The following HIVEP1 variants were observed in gnomAD, a reference collection of about 807,000 sequenced individuals.
The protein encoded by HIVEP1 is HIVEP zinc finger 1.
A neutral mutation model predicts 180.0 loss-of-function variants in HIVEP1; 36 were observed. That is an observed-to-expected ratio of 0.20 (90% CI 0.15 to 0.26). The LOEUF (loss-of-function observed/expected upper bound fraction) is 0.26. Ranked by LOEUF, HIVEP1 falls within the 10% of genes least tolerant of loss-of-function variation. The pLI is 1.00. For synonymous variants in HIVEP1, 1,239 were observed against 1,239.0 expected (o/e 1.00, Z 0.00); for missense variants, 3,143 against 3,268.7 (o/e 0.96, Z 0.94).
At chr6:12,038,741 C>CA (rs1769472239) in intron 2 of HIVEP1, 13 of 152,562 alleles carry the variant, frequency 8.5e-5, no homozygotes, top group Non-Finnish European at 1.6e-4. Context: ...CCACCACCAC[C>CA]ACCAACAACA....
At chr6:12,197,911 T>C in the HIVEP1 span, among the ~76,000 whole-genome samples, 1,785 of 152,184 alleles carry the variant, frequency 0.012, 24 homozygotes, top group Non-Finnish European at 0.015. Context: ...ATGGAAAGAA[T>C]GTCATAGAAA....
At chr6:12,147,957 C>CCT (rs1759471330) in intron 7 of HIVEP1, among the ~76,000 whole-genome samples, 1 of 152,146 alleles carries the variant, frequency 6.6e-6, no homozygotes, top group African/African-American at 2.4e-5. Context: ...AAAGATGAGG[C>CCT]CTGTACTTGT....
rs760211750 is a variant in HIVEP1 at position 12,121,211 on chromosome 6, C to T, written c.1416C>T (p.Gly472=). 1 of 1,614,124 alleles carries T rather than the reference C, an allele frequency of 6.2e-7. No homozygotes were observed. The highest frequency in any genetic ancestry group is 8.5e-7 in the Non-Finnish European group (1 of 1,180,026). ...TTGTCTTGCAACCAGATGCTGGTGGCTTGTTCTTGTCCCACGAGTCCCCCA... is the reference window on the plus strand; with the variant it reads ...TTGTCTTGCAACCAGATGCTGGTGGTTTGTTCTTGTCCCACGAGTCCCCCA... The part of the protein sequence containing the change: ...LGLVLQPDAG[G]LFLSHESPKA... Residue 472 remains glycine, a synonymous_variant, in exon 4 of 9, where the codon GGC becomes GGT. Transcript: ENST00000379388. The surrounding 1 kb of genome is among the most constrained non-coding windows in gnomAD (Gnocchi z 5.3).
chr6:12,069,715 A>T (rs1459844259), intron 2 of HIVEP1, among the ~76,000 whole-genome samples: 4 of 151,792 alleles, frequency 2.6e-5, no homozygotes, highest in Admixed American at 2.0e-4. Flanking sequence ...TAAAACTTAA[A>T]GTATAATAAT....
At chr6:12,021,826 C>T (rs1227801110) in intron 2 of HIVEP1, among the ~76,000 whole-genome samples, 2 of 152,044 alleles carry the variant, frequency 1.3e-5, no homozygotes, top group African/African-American at 2.4e-5. Context: ...CTACCACCCC[C>T]GGCTAATTTT....
At chr6:12,188,180 T>C in the HIVEP1 span, among the ~76,000 whole-genome samples, 38 of 152,314 alleles carry the variant, frequency 2.5e-4, no homozygotes, top group African/African-American at 7.2e-4. Flanking sequence ...AAAGTGCATC[T>C]TTAAAAAATG....
At chr6:12,089,418 A>G (rs1190585274) in intron 3 of HIVEP1, among the ~76,000 whole-genome samples, 181 bp downstream of exon 3, 1 of 152,144 alleles carries the variant, frequency 6.6e-6, no homozygotes, top group Non-Finnish European at 1.5e-5. Flanking sequence ...TTAGCCACAT[A>G]GCACATTCTA....
chr6:12,060,860 A>G lies in HIVEP1; in HGVS notation c.41-28324A>G, dbSNP rs146825989. Reference sequence around the variant, plus strand: ...GCATTACTGTGACTTTAAGAAGGAAATTAAGTAGGGAGGGAAAATGGGGAT... The same window carrying G: ...GCATTACTGTGACTTTAAGAAGGAAGTTAAGTAGGGAGGGAAAATGGGGAT... On this transcript the variant is annotated intron_variant, in intron 2 of 8. Coordinates refer to ENST00000379388, the MANE Select transcript of HIVEP1 (RefSeq NM_002114.4). Among the ~76,000 whole-genome samples the G allele has an allele frequency of 6.6e-4, 101 of 152,296 alleles. 1 individual carries two copies. The highest frequency in any genetic ancestry group is 1.2e-3 in the Non-Finnish European group (79 of 68,014).
chr6:12,089,232 A>G lies in HIVEP1; in HGVS notation c.89A>G (p.Lys30Arg), dbSNP rs1284866451. Reference sequence around the variant, plus strand: ...GAACTTAATGGGGCAGAAGTTTCAAAAAAAGGTAAATTAAAATCAGCTTGA... The same window carrying G: ...GAACTTAATGGGGCAGAAGTTTCAAGAAAAGGTAAATTAAAATCAGCTTGA... ...QKELNGAEVS[K>R]KEILQAGVKG... The change falls in exon 3 of 9, where the codon AAA becomes AGA. Residue 30 changes from lysine (K) to arginine (R), a missense_variant. Transcript: ENST00000379388. 6.4e-7 allele frequency: 1 copy of G among 1,561,622 alleles called. No homozygotes were observed. The highest frequency in any genetic ancestry group is 1.4e-5 in the African/African-American group (1 of 73,682).
chr6:12,037,987 T>A (rs908242045), intron 2 of HIVEP1: 1 of 383,456 alleles, frequency 2.6e-6, no homozygotes, highest in Admixed American at 4.5e-5. Flanking sequence ...AGCACTGAGA[T>A]TACAGGCATG....
chr6:12,130,161 G>C (rs1295274424), intron 5 of HIVEP1, among the ~76,000 whole-genome samples: 1 of 152,186 alleles, frequency 6.6e-6, no homozygotes, highest in Non-Finnish European at 1.5e-5. Flanking sequence ...TTTTCACATT[G>C]ATTTACAGTA....
At chr6:12,156,412 A>G (rs1044101555) in intron 7 of HIVEP1, among the ~76,000 whole-genome samples, 11 of 152,074 alleles carry the variant, frequency 7.2e-5, no homozygotes, top group Non-Finnish European at 1.5e-4. Flanking sequence ...ATTTTTATAT[A>G]TATTGTAAAG....
chr6:12,161,893 A>T lies in HIVEP1; in HGVS notation c.6942A>T (p.Arg2314Ser), dbSNP rs1760431754. 1.9e-6 allele frequency: 3 copies of T among 1,613,298 alleles called. No individual in the cohort carries two copies. The South Asian group carries it at 3.3e-5, about 18-fold the overall frequency. The change falls in exon 8 of 9, where the codon AGA becomes AGT. Residue 2314 changes from arginine to serine, a missense_variant. By Grantham distance (110) the Arg-to-Ser change is moderately radical. Coordinates refer to ENST00000379388, the MANE Select transcript of HIVEP1 (RefSeq NM_002114.4). ...VDYPESEEIL[R>S]SSMAGKAVAI... ...ACCCTGAGTCAGAAGAAATTCTGAGAAGTTCTATGGCAGGAAAAGCTGTTG... is the reference window on the plus strand; with the variant it reads ...ACCCTGAGTCAGAAGAAATTCTGAGTAGTTCTATGGCAGGAAAAGCTGTTG...
At chr6:12,061,040 C>T (rs919197986) in intron 2 of HIVEP1, among the ~76,000 whole-genome samples, 3 of 152,054 alleles carry the variant, frequency 2.0e-5, no homozygotes, top group South Asian at 2.1e-4. Context: ...CTAGATGTGA[C>T]GTGAAGGGGC....
chr6:12,122,736 T>C lies in HIVEP1; in HGVS notation c.2941T>C (p.Tyr981His). The change falls in exon 4 of 9, where the codon TAC becomes CAC. Residue 981 changes from tyrosine (Y) to histidine (H), a missense_variant. Around this residue, in one of 12 missense-constraint regions of HIVEP1, gnomAD observed 204 missense variants for 243.7 expected, o/e 0.84. Coordinates refer to ENST00000379388, the MANE Select transcript of HIVEP1 (RefSeq NM_002114.4). ...LENFENHKKF[Y>H]CSELHGPKTK... ...AAATTTTGAAAATCATAAGAAATTTTACTGTTCTGAGTTACATGGACCAAA... is the reference window on the plus strand; with the variant it reads ...AAATTTTGAAAATCATAAGAAATTTCACTGTTCTGAGTTACATGGACCAAA... 1 of 1,613,750 alleles carries C rather than the reference T, an allele frequency of 6.2e-7. No individual in the cohort carries two copies. Among genetic ancestry groups the C allele is most frequent in the Non-Finnish European group, 8.5e-7 (1 of 1,179,906 alleles).
Position 12,161,812 on chromosome 6 carries a change from C to T in HIVEP1, c.6861C>T (p.Asp2287=). 1.2e-6 allele frequency: 2 copies of T among 1,614,162 alleles called. No individual in the cohort carries two copies. Among genetic ancestry groups the T allele is most frequent in the Non-Finnish European group, 1.7e-6 (2 of 1,180,022 alleles). ...AGCGTGCTGCGAGAGATGAAAACGA[C>T]ACAATTCCGTCTGTAGACACTTCCA... ...ARQRAARDEN[D]TIPSVDTSRS... is the part of the protein sequence containing the mutation. Residue 2287 remains aspartate, a synonymous_variant, in exon 8 of 9, where the codon GAC becomes GAT. Coordinates refer to ENST00000379388, the MANE Select transcript of HIVEP1 (RefSeq NM_002114.4).
intron 7 of HIVEP1, among the ~76,000 whole-genome samples, chr6:12,147,427 C>G (rs995413673): frequency 1.3e-5 from 2 of 152,158 alleles, no homozygotes. Flanking sequence ...ATATATCTGA[C>G]TTTTATCCTG....
chr6:12,153,208 T>G (rs1030028883), intron 7 of HIVEP1, among the ~76,000 whole-genome samples: 3 of 152,218 alleles, frequency 2.0e-5, no homozygotes, highest in African/African-American at 7.2e-5. Flanking sequence ...AACATTGAAT[T>G]CATGCATATT....
intron 2 of HIVEP1, among the ~76,000 whole-genome samples, chr6:12,022,030 A>G (rs1311147863): frequency 1.3e-5 from 2 of 152,228 alleles, no homozygotes; most frequent in African/African-American, 2.4e-5. Context: ...ATTTGTTTAC[A>G]TTTTTGAACC....
Sources: gnomAD v4.1 joint callset for allele counts (sites outside exome capture counted in the v4.1 genomes callset) on GRCh38, gnomAD v4.1.1 for gene constraint, gnomAD v4.1.1 regional missense constraint, Gnocchi (gnomAD v3.1) non-coding constraint, MANE v1.5 for transcripts, NCBI Gene and HGNC (gene_info 2026-07-23, HGNC 2026-07-21) for gene names.